Variants in TSC2 observed in about 807,000 individuals in gnomAD.
TSC2 encodes TSC complex subunit 2, also known as tuberin.
A neutral mutation model predicts 202.2 loss-of-function variants in TSC2; 29 were observed. That is an observed-to-expected ratio of 0.14 (90% confidence interval 0.11 to 0.20). TSC2 has a LOEUF of 0.20. TSC2 is among the 10% of genes least tolerant of loss of function. The probability of loss-of-function intolerance (pLI) is 1.00; values close to 1 mark genes in which losing one functional copy is unlikely to be tolerated. For missense variants in TSC2, 2,429 were observed against 2,420.0 expected (o/e 1.00, Z -0.08); for synonymous variants, 1,349 against 1,044.0 (o/e 1.29, Z -5.63).
rs1328845466 is a variant in TSC2 at position 2,079,782 on chromosome 16, C to T, written c.3397+113C>T. The T allele has an allele frequency of 2.8e-6, 3 of 1,084,160 alleles. No individual in the cohort carries two copies. In the East Asian group the frequency reaches 7.8e-5, roughly 28 times the overall value. The allele number at this position is 1,084,160 out of a possible 1,614,324, so 67.2% of individuals were successfully genotyped here. Reference sequence around the variant, plus strand: ...AGGGGCCGGGGTGGCTGGCTTCAGGCCCGGCCCACGTCCTGACTCTGGGGT... The same window carrying T: ...AGGGGCCGGGGTGGCTGGCTTCAGGTCCGGCCCACGTCCTGACTCTGGGGT... On this transcript the variant is annotated intron_variant, in intron 29 of 41. Transcript: ENST00000219476. The surrounding 1 kb of genome is among the most constrained non-coding windows in gnomAD (Gnocchi z 4.6).
rs549991673 is a variant in TSC2 at position 2,052,732 on chromosome 16, C to G, written c.226-610C>G. Among the ~76,000 whole-genome samples the G allele has an allele frequency of 1.9e-3, 296 of 152,330 alleles. 1 individual carries two copies. The highest frequency in any genetic ancestry group is 6.7e-3 in the African/African-American group (277 of 41,558). ...AGGTGGTGAGAGCCAGCCCAAACCCCTGCCGAGTGAGACTGATTCTGGCAG... is the reference window on the plus strand; with the variant it reads ...AGGTGGTGAGAGCCAGCCCAAACCCGTGCCGAGTGAGACTGATTCTGGCAG... On this transcript the variant is annotated intron_variant, in intron 3 of 41. Coordinates refer to ENST00000219476, the MANE Select transcript of TSC2 (RefSeq NM_000548.5).
At chr16:2,085,783 A>G (rs1023126919) in intron 36 of TSC2, among the ~76,000 whole-genome samples, 11 of 152,308 alleles carry the variant, frequency 7.2e-5, no homozygotes, top group African/African-American at 2.6e-4. Context: ...CCTTCATCCC[A>G]AGGGAAAGGG....
chr16:2,052,410 C>T (rs960337627), intron 3 of TSC2, among the ~76,000 whole-genome samples: 5 of 152,138 alleles, frequency 3.3e-5, no homozygotes, highest in East Asian at 1.9e-4. Flanking sequence ...GCCAGGCTCA[C>T]GTGATCCTCC....
In TSC2 at chr16:2,048,669, G is replaced by T. The variant is rs2150971145; in HGVS notation, c.54G>T (p.Leu18=). 6.2e-7 allele frequency: 1 copy of T among 1,614,040 alleles called. No individual in the cohort carries two copies. Among genetic ancestry groups the T allele is most frequent in the African/African-American group, 1.3e-5 (1 of 75,050 alleles). ...DSGLKEKFKI[L]LGLGTPRPNP... is the part of the protein sequence containing the mutation. ...GCTTGAAGGAGAAGTTTAAGATTCT[G>T]TTGGGACTGGGAACACCGAGGCCAA... Residue 18 remains leucine, a synonymous_variant, in exon 2 of 42, where the codon CTG becomes CTT. Coordinates refer to ENST00000219476, the MANE Select transcript of TSC2 (RefSeq NM_000548.5).
At chr16:2,060,528 G>A (rs1489797707) in intron 10 of TSC2, 142 bp from the exon 11 acceptor site, 38 of 1,417,652 alleles carry the variant, frequency 2.7e-5, no homozygotes, top group African/African-American at 4.2e-5. Flanking sequence ...CGCCCCACCT[G>A]CTGTTTCTGC....
At position 2,089,393 on chromosome 16, in the gene TSC2, C is replaced by T; in HGVS notation, c.*783C>T. 2.3e-6 allele frequency: 1 copy of T among 431,736 alleles called. No individual in the cohort carries two copies. The highest frequency in any genetic ancestry group is 4.2e-6 in the Non-Finnish European group (1 of 236,188). The allele number at this position is 431,736 out of a possible 1,614,324, so 26.7% of individuals were successfully genotyped here. A position where few individuals can be genotyped will look rare whatever the true frequency, so the allele number is the denominator to read the frequency against. ...GGCTAACCCTCCCTGAAGCCAGCAG[C>T]CTTAGCAGTGGGGGACATCTGCCCA... On this transcript the variant is annotated 3_prime_UTR_variant, in exon 42 of 42. Coordinates refer to ENST00000219476, the MANE Select transcript of TSC2 (RefSeq NM_000548.5).
intron 20 of TSC2, 63 bp from the exon 21 acceptor site, chr16:2,072,786 C>G: frequency 1.2e-6 from 2 of 1,611,676 alleles, no homozygotes; most frequent in Non-Finnish European, 1.7e-6. Context: ...CCTCCCCAGC[C>G]CCTCTGGCTA....
chr16:2,073,837 T>C (rs567516924), intron 21 of TSC2, among the ~76,000 whole-genome samples: 2 of 152,284 alleles, frequency 1.3e-5, no homozygotes. Context: ...TCCGCTCATC[T>C]TCTGCTGTCC....
At position 2,048,737 on chromosome 16, in the gene TSC2, C is replaced by G. The variant is rs1385450866; in HGVS notation, c.122C>G (p.Thr41Ser). ...AEGKQTEFIITAEILRELSME... is the reference protein window; with the variant it reads ...AEGKQTEFIISAEILRELSME... ...GGTAAACAGACGGAGTTTATCATCA[C>G]CGCGGAAATACTGAGAGTGAGTGAG... is the stretch of plus-strand genomic sequence containing the variant. The change falls in exon 2 of 42, where the codon ACC becomes AGC. Residue 41 changes from threonine to serine, a missense_variant. Thr to Ser is a moderately conservative substitution (Grantham distance 58). Transcript: ENST00000219476. The G allele has an allele frequency of 1.2e-6, 2 of 1,614,040 alleles. No homozygotes were observed. Among genetic ancestry groups the G allele is most frequent in the Non-Finnish European group, 1.7e-6 (2 of 1,180,032 alleles).
At chr16:2,064,847 C>T (rs1459119141) in intron 15 of TSC2, 1 of 289,904 alleles carries the variant, frequency 3.4e-6, no homozygotes, top group African/African-American at 2.2e-5. Flanking sequence ...GGCACAGTGG[C>T]TCACGCCTGT....
chr16:2,078,733 G>T (rs574815718), intron 26 of TSC2: 2 of 470,954 alleles, frequency 4.2e-6, no homozygotes, highest in Admixed American at 3.4e-5. Flanking sequence ...ACACCGTTTC[G>T]CCAGGAGGCC....
chr16:2,083,293 G>C, intron 32 of TSC2: 1 of 459,288 alleles, frequency 2.2e-6, no homozygotes, highest in East Asian at 6.5e-5. Flanking sequence ...TTTGCAAACA[G>C]GGACTTCCCC....
chr16:2,071,431 G>A, intron 17 of TSC2, 79 bp from the exon 18 acceptor site: 5 of 1,465,334 alleles, frequency 3.4e-6, no homozygotes, highest in African/African-American at 1.4e-5. Flanking sequence ...TGCTGGACGT[G>A]GGTCTGAGCA....
rs45448994 is a variant in TSC2 at position 2,082,509 on chromosome 16, C to T, written c.3883+5C>T. 27 of 1,610,932 alleles carry T rather than the reference C, an allele frequency of 1.7e-5. No homozygotes were observed. Among genetic ancestry groups the T allele is most frequent in the East Asian group, 2.2e-5 (1 of 44,892 alleles). On this transcript the variant is annotated splice_donor_5th_base_variant and intron_variant, in intron 32 of 41. Coordinates refer to ENST00000219476, the MANE Select transcript of TSC2 (RefSeq NM_000548.5). The stretch of plus-strand genomic sequence containing the variant: ...ACAGGAGCGTTTCCTGGGCAGGTAT[C>T]GCCTCTCAGAGGGAAGCGGTTGGCT...
At position 2,079,539 on chromosome 16, in the gene TSC2, G is replaced by C; in HGVS notation, c.3285-18G>C. 1 of 1,607,400 alleles carries C rather than the reference G, an allele frequency of 6.2e-7. No individual in the cohort carries two copies. Reference sequence around the variant, plus strand: ...CCTGGGGACTAAGTCCACCCTGTGCGTGGGATTCTCTTCTCAGCTCCAGCC... The same window carrying C: ...CCTGGGGACTAAGTCCACCCTGTGCCTGGGATTCTCTTCTCAGCTCCAGCC... On this transcript the variant is annotated intron_variant, in intron 28 of 41. Transcript: ENST00000219476. The surrounding 1 kb of genome is among the most constrained non-coding windows in gnomAD (Gnocchi z 4.6).
At position 2,084,424 on chromosome 16, in the gene TSC2, C is replaced by T. The variant is rs1596416623; in HGVS notation, c.4202C>T (p.Pro1401Leu). ...LQTLQDILGD[P>L]GDKADVGRLS... ...ACTCTGCAGGACATCCTCGGGGACCCTGGGGACAAGGCCGACGTGGGCCGG... is the reference window on the plus strand; with the variant it reads ...ACTCTGCAGGACATCCTCGGGGACCTTGGGGACAAGGCCGACGTGGGCCGG... Residue 1401 changes from proline (P) to leucine (L), a missense_variant, in exon 34 of 42, where the codon CCT (proline) becomes CTT (leucine). By Grantham distance (98) the Pro-to-Leu change is moderately conservative. Transcript: ENST00000219476. 6.2e-7 allele frequency: 1 copy of T among 1,611,246 alleles called. No homozygotes were observed. Among genetic ancestry groups the T allele is most frequent in the Middle Eastern group, 1.7e-4 (1 of 6,058 alleles).
In TSC2 at chr16:2,057,019, C is replaced by G. The variant is rs1036101202; in HGVS notation, c.775-86C>G. 2.0e-6 allele frequency: 3 copies of G among 1,517,654 alleles called. No individual in the cohort carries two copies. In the Admixed American group the frequency reaches 5.9e-5, roughly 30 times the overall value. 94.0% of individuals were successfully genotyped at this position (1,517,654 alleles called of 1,614,324 possible). A position where few individuals can be genotyped will look rare whatever the true frequency, so the allele number is the denominator to read the frequency against. ...GGCCGGACCTTGGGTGGCTATAGGG[C>G]AGCAGCCAGGCGGGGCCAGCAGCGG... On this transcript the variant is annotated intron_variant, in intron 8 of 41. Coordinates refer to ENST00000219476, the MANE Select transcript of TSC2 (RefSeq NM_000548.5).
intron 9 of TSC2, among the ~76,000 whole-genome samples, 173 bp from the exon 10 acceptor site, chr16:2,058,574 C>G (rs1185345218): frequency 6.6e-6 from 1 of 152,230 alleles, no homozygotes; most frequent in African/African-American, 2.4e-5. Flanking sequence ...CAGGAGTGAA[C>G]AAGAGTGTTA....
chr16:2,075,773 C>T (rs775189437), intron 22 of TSC2, 26 bp from the exon 23 acceptor site: 1 of 1,610,904 alleles, frequency 6.2e-7, no homozygotes, highest in East Asian at 2.2e-5. Context: ...CCCCGGCTCC[C>T]CTGACCACCC....
Sources: gnomAD v4.1 joint callset for allele counts (sites outside exome capture counted in the v4.1 genomes callset) on GRCh38, gnomAD v4.1.1 for gene constraint, Gnocchi (gnomAD v3.1) non-coding constraint, MANE v1.5 for transcripts, NCBI Gene and HGNC (gene_info 2026-07-23, HGNC 2026-07-21) for gene names.